Variants in NRXN3 observed in about 807,000 individuals in gnomAD.
NRXN3 encodes neurexin III.
NRXN3 carries 32 observed loss-of-function variants against 137.6 expected under a neutral mutation model. That is an observed-to-expected ratio of 0.23 (90% CI 0.18 to 0.31). The LOEUF (loss-of-function observed/expected upper bound fraction) is 0.31. Among genes scored for constraint, NRXN3 ranks in the 10% least tolerant of loss-of-function variants. The pLI, the probability that NRXN3 is intolerant of heterozygous loss-of-function variation, is 1.00. For synonymous variants in NRXN3, 798 were observed against 784.5 expected (o/e 1.02, Z -0.29); for missense variants, 1,574 against 2,062.5 (o/e 0.76, Z 4.59).
intron 15 of NRXN3, among the ~76,000 whole-genome samples, chr14:79,408,305 C>T (rs751528903): frequency 6.6e-6 from 1 of 152,098 alleles, no homozygotes; most frequent in Non-Finnish European, 1.5e-5. Context: ...AACTTTTATT[C>T]AGTCATGTTT....
intron 4 of NRXN3, among the ~76,000 whole-genome samples, chr14:78,443,270 G>A (rs1042067324): frequency 6.6e-6 from 1 of 152,154 alleles, no homozygotes; most frequent in South Asian, 2.1e-4. Flanking sequence ...TTATTCAGGG[G>A]TCTTTGTTTT....
intron 16 of NRXN3, among the ~76,000 whole-genome samples, chr14:79,525,256 A>G (rs1421749024): frequency 2.6e-5 from 4 of 152,142 alleles, no homozygotes; most frequent in Non-Finnish European, 5.9e-5. Context: ...CACCACCTCG[A>G]GGGTTTCCAG....
chr14:79,635,697 G>C (rs1477807113), intron 16 of NRXN3, among the ~76,000 whole-genome samples: 1 of 152,110 alleles, frequency 6.6e-6, no homozygotes, highest in Non-Finnish European at 1.5e-5. Flanking sequence ...CTGTGTGTCT[G>C]TATTTGTCTG....
At chr14:78,728,141 C>T (rs749521730) in intron 8 of NRXN3, among the ~76,000 whole-genome samples, 11 of 152,188 alleles carry the variant, frequency 7.2e-5, no homozygotes, top group South Asian at 2.1e-4. Flanking sequence ...GGTGCTCTTG[C>T]TTTGTACCTT....
intron 15 of NRXN3, among the ~76,000 whole-genome samples, chr14:79,431,321 T>C (rs931727915): frequency 6.6e-6 from 1 of 152,192 alleles, no homozygotes; most frequent in Non-Finnish European, 1.5e-5. Context: ...TTGACCTATA[T>C]GACTTTCAAA....
chr14:78,246,838 G>T (rs2067760678), intron 2 of NRXN3, among the ~76,000 whole-genome samples: 1 of 152,200 alleles, frequency 6.6e-6, no homozygotes, highest in African/African-American at 2.4e-5. Context: ...GAAGTGGGTA[G>T]AGAGAAATGC....
At chr14:79,625,814 C>T (rs1049679447) in intron 16 of NRXN3, among the ~76,000 whole-genome samples, 7 of 152,086 alleles carry the variant, frequency 4.6e-5, no homozygotes, top group African/African-American at 1.4e-4. Context: ...TGTCTTACAC[C>T]GAAGTGTAGC....
chr14:78,718,726 TCTGTTG>T (rs1249169942), intron 8 of NRXN3, among the ~76,000 whole-genome samples: 2 of 152,204 alleles, frequency 1.3e-5, no homozygotes, highest in African/African-American at 4.8e-5. Flanking sequence ...TTCAGCATAA[TCTGTTG>T]CTATTCTAAG....
intron 1 of NRXN3, among the ~76,000 whole-genome samples, chr14:78,187,029 C>T (rs78240466): frequency 6.6e-6 from 1 of 152,106 alleles, no homozygotes; most frequent in African/African-American, 2.4e-5. Flanking sequence ...TGAAGTAGCC[C>T]TAAGGTGACA....
chr14:78,832,455 G>A (rs1408666340), intron 10 of NRXN3, among the ~76,000 whole-genome samples: 13 of 152,142 alleles, frequency 8.5e-5, no homozygotes, highest in Admixed American at 8.5e-4. Context: ...GGTGGCACAT[G>A]GCATGAGATT....
intron 3 of NRXN3, among the ~76,000 whole-genome samples, chr14:78,289,136 G>A (rs1166254384): frequency 1.3e-5 from 2 of 152,176 alleles, no homozygotes; most frequent in Non-Finnish European, 2.9e-5. Context: ...CATCAGTCCA[G>A]CAATTCGATC....
intron 16 of NRXN3, among the ~76,000 whole-genome samples, chr14:79,630,207 A>G (rs1196326496): frequency 6.6e-6 from 1 of 152,208 alleles, no homozygotes; most frequent in Non-Finnish European, 1.5e-5. Flanking sequence ...CCAAGTGAAT[A>G]CTGCTGGTTT....
intron 2 of NRXN3, among the ~76,000 whole-genome samples, chr14:78,275,033 C>T (rs1376665926): frequency 6.6e-6 from 1 of 152,192 alleles, no homozygotes; most frequent in African/African-American, 2.4e-5. Context: ...TTTGCATTTG[C>T]TATTCCCCTG....
chr14:79,860,673 A>C (rs1406664160), intron 20 of NRXN3, among the ~76,000 whole-genome samples: 1 of 152,270 alleles, frequency 6.6e-6, no homozygotes, highest in Non-Finnish European at 1.5e-5. Context: ...TAAGTTAAGC[A>C]CACAATGTGT....
At chr14:79,506,666 A>AT (rs1185215988) in intron 16 of NRXN3, among the ~76,000 whole-genome samples, 1 of 151,624 alleles carries the variant, frequency 6.6e-6, no homozygotes, top group Non-Finnish European at 1.5e-5. Context: ...ATTGAATTTC[A>AT]TTTTTTTTTC....
chr14:79,774,586 A>T (rs2099090667), intron 19 of NRXN3, among the ~76,000 whole-genome samples: 1 of 152,146 alleles, frequency 6.6e-6, no homozygotes, highest in Admixed American at 6.6e-5. Flanking sequence ...CCGTTAATGA[A>T]TGTCTTCGCA....
chr14:78,567,001 G>A (rs2096842573), intron 4 of NRXN3, among the ~76,000 whole-genome samples: 1 of 152,184 alleles, frequency 6.6e-6, no homozygotes, highest in African/African-American at 2.4e-5. Flanking sequence ...CCCTGGGAGA[G>A]GAGCCTCCTG....
rs1181324632 is a variant in NRXN3, at chr14:78,944,908, A to G, written c.2276-12334A>G. On this transcript the variant is annotated intron_variant, in intron 10 of 20. Transcript: ENST00000335750. ...CAGATCTTCTGAATCAGAAATACTG[A>G]GACTAGAGCCCTGAGATTTAAACTA... 2.6e-5 allele frequency among the ~76,000 whole-genome samples: 4 copies of G among 152,202 alleles called. No homozygotes were observed. The East Asian group carries it at 5.8e-4, about 22-fold the overall frequency.
chr14:78,385,290 AACACACACAC>A (rs34246142), intron 4 of NRXN3, among the ~76,000 whole-genome samples: 7,668 of 147,384 alleles, frequency 0.052, 291 homozygotes, highest in African/African-American at 0.093. Flanking sequence ...AACTTTAAGC[AACACACACAC>A]ACACACACAC....
Sources: allele counts gnomAD v4.1 joint callset (sites outside exome capture counted in the v4.1 genomes callset), GRCh38; gene constraint gnomAD v4.1.1; transcripts MANE v1.5; gene names NCBI Gene and HGNC (gene_info 2026-07-23, HGNC 2026-07-21).